The following TBC1D13 variants were observed in gnomAD, a reference collection of about 807,000 sequenced individuals.
TBC1D13 encodes the protein epididymis secretory sperm binding protein.
Under a neutral mutation model 53.6 loss-of-function variants are expected in TBC1D13, and 40 were observed. That is an observed-to-expected ratio of 0.75 (90% CI 0.58 to 0.97). The LOEUF (loss-of-function observed/expected upper bound fraction) is 0.97, where lower values mean the gene tolerates loss of function less well. TBC1D13 is among the 50% of genes least tolerant of loss of function. The pLI is 0.00. For synonymous variants in TBC1D13, 182 were observed against 197.7 expected, an observed-to-expected ratio of 0.92 and a Z score of 0.67; for missense variants, 377 against 499.4, an observed-to-expected ratio of 0.75 and a Z score of 2.34.
In TBC1D13 at chr9:128,787,331, TG is replaced by T. The variant is rs914437459; in HGVS notation, c.-17del. 50 of 1,257,748 alleles carry T rather than the reference TG, an allele frequency of 4.0e-5. No homozygotes were observed. The highest frequency in any genetic ancestry group is 4.3e-5 in the Non-Finnish European group (43 of 995,492). The allele number at this position is 1,257,748 out of a possible 1,614,324, so 77.9% of individuals were successfully genotyped here. A position where few individuals can be genotyped will look rare whatever the true frequency, so the allele number is the denominator to read the frequency against. On this transcript the variant is annotated 5_prime_UTR_variant, in exon 1 of 12. Transcript: ENST00000372648. ...CAGAGGCGCAGGCGGCGGAGGCGGC[TG>T]GGGGGTCCGGAAGTCAACACCATGT...
intron 9 of TBC1D13, among the ~76,000 whole-genome samples, chr9:128,804,403 A>G (rs1174257775): frequency 6.7e-6 from 1 of 150,206 alleles, no homozygotes; most frequent in African/African-American, 2.4e-5. Context: ...GTAAGTGTTA[A>G]CTTCATTTTT....
intron 3 of TBC1D13, 143 bp downstream of exon 3, chr9:128,790,918 T>A: frequency 1.2e-6 from 1 of 804,074 alleles, no homozygotes; most frequent in Non-Finnish European, 1.9e-6. Context: ...AGTCCTGGGT[T>A]TTCTGTTCCT....
At chr9:128,790,686 G>A (rs1299395247) in intron 2 of TBC1D13, 49 bp from the exon 3 acceptor site, 6 of 1,521,728 alleles carry the variant, frequency 3.9e-6, no homozygotes, top group Non-Finnish European at 5.3e-6. Context: ...AGGGCTGGGG[G>A]TTCTGGGACT....
In TBC1D13 at chr9:128,792,480, T is replaced by G. The variant is rs1829551738; in HGVS notation, c.301-12T>G. On this transcript the variant is annotated splice_polypyrimidine_tract_variant and intron_variant, in intron 5 of 11. Coordinates refer to ENST00000372648, the MANE Select transcript of TBC1D13 (RefSeq NM_018201.5). ...TGGGCCTTGGACAGAGCATCTTCATTTCTCCCCACAGCCACTCAACCCCAA... is the reference window on the plus strand; with the variant it reads ...TGGGCCTTGGACAGAGCATCTTCATGTCTCCCCACAGCCACTCAACCCCAA... 6.2e-7 allele frequency: 1 copy of G among 1,613,634 alleles called. No individual in the cohort carries two copies. The highest frequency in any genetic ancestry group is 8.5e-7 in the Non-Finnish European group (1 of 1,179,652).
chr9:128,805,331 T>TA (rs879387628), intron 9 of TBC1D13, among the ~76,000 whole-genome samples: 36 of 147,506 alleles, frequency 2.4e-4, no homozygotes, highest in South Asian at 4.3e-4. Context: ...ACCTCATCTC[T>TA]AAAAAAAAAA....
intron 2 of TBC1D13, among the ~76,000 whole-genome samples, chr9:128,788,925 C>A (rs1332073015): frequency 6.6e-6 from 1 of 152,156 alleles, no homozygotes; most frequent in Non-Finnish European, 1.5e-5. Context: ...TTAGACTTTG[C>A]CCCAATGAGC....
intron 7 of TBC1D13, among the ~76,000 whole-genome samples, chr9:128,802,670 A>C (rs1829757804): frequency 6.6e-6 from 1 of 151,724 alleles, no homozygotes; most frequent in African/African-American, 2.4e-5. Context: ...TATGCTAGAT[A>C]GGTCCAGGCT....
chr9:128,804,152 G>A, intron 9 of TBC1D13, 33 bp downstream of exon 9: 1 of 1,608,030 alleles, frequency 6.2e-7, no homozygotes, highest in East Asian at 2.2e-5. Context: ...GGTGGAAAGG[G>A]ACAGGAGGCA....
At chr9:128,801,266 C>A (rs1829728299) in intron 7 of TBC1D13, among the ~76,000 whole-genome samples, 1 of 152,180 alleles carries the variant, frequency 6.6e-6, no homozygotes, top group Admixed American at 6.6e-5. Flanking sequence ...AACCCATGAA[C>A]AATTGAGATG....
chr9:128,790,852 G>A (rs1247469670), intron 3 of TBC1D13, 77 bp downstream of exon 3: 11 of 1,450,232 alleles, frequency 7.6e-6, no homozygotes, highest in African/African-American at 1.5e-5. Flanking sequence ...CCTACCCCTG[G>A]CTTCTTCCTC....
In TBC1D13 at chr9:128,806,689, T is replaced by C. The variant is rs550227073; in HGVS notation, c.1137+378T>C. On this transcript the variant is annotated intron_variant, in intron 11 of 11. Transcript: ENST00000372648. ...CGGGCGCGGTGGCTCATGCCTATAA[T>C]CCCAGCACTTTGGGAGGCTGGGGTG... Among the ~76,000 whole-genome samples, 4 of 152,160 alleles carry C rather than the reference T, an allele frequency of 2.6e-5. No homozygotes were observed. In the South Asian group the frequency reaches 8.3e-4, roughly 32 times the overall value.
Position 128,808,899 on chromosome 9 carries a change from G to A in TBC1D13, c.*1020G>A, listed in dbSNP as rs1829895012. The A allele has an allele frequency of 6.6e-6, 1 of 152,414 alleles. No individual in the cohort carries two copies. The highest frequency in any genetic ancestry group is 1.5e-5 in the Non-Finnish European group (1 of 68,154). 9.4% of individuals were successfully genotyped at this position (152,414 alleles called of 1,614,324 possible). A position where few individuals can be genotyped will look rare whatever the true frequency, so the allele number is the denominator to read the frequency against. On this transcript the variant is annotated 3_prime_UTR_variant, in exon 12 of 12. Coordinates refer to ENST00000372648, the MANE Select transcript of TBC1D13 (RefSeq NM_018201.5). ...CCTGCCCCTGCTTTCTGCCCAGGGA[G>A]GGAGAAGGAAGAGGGGGAGCTGGTT...
intron 7 of TBC1D13, 152 bp from the exon 8 acceptor site, chr9:128,803,098 G>C (rs1256889202): frequency 1.5e-6 from 1 of 671,154 alleles, no homozygotes; most frequent in African/African-American, 1.8e-5. Context: ...CTATCACCCA[G>C]GCTGGAATGC....
intron 9 of TBC1D13, among the ~76,000 whole-genome samples, chr9:128,804,741 T>TTG (rs1564426910): frequency 7.1e-6 from 1 of 141,576 alleles, no homozygotes; most frequent in African/African-American, 2.6e-5. Flanking sequence ...TTTTTTTTTT[T>TTG]TTTTGAGAAG....
At chr9:128,805,615 A>G (rs1170341792) in intron 9 of TBC1D13, among the ~76,000 whole-genome samples, 1 of 152,360 alleles carries the variant, frequency 6.6e-6, no homozygotes, top group East Asian at 1.9e-4. Flanking sequence ...AGCTTATTAT[A>G]TAAAGGTTTG....
rs775514814 is a variant in TBC1D13 at position 128,805,936 on chromosome 9, T to C, written c.996T>C (p.Pro332=). 1 of 1,614,224 alleles carries C rather than the reference T, an allele frequency of 6.2e-7. No homozygotes were observed. Among genetic ancestry groups the C allele is most frequent in the East Asian group, 2.2e-5 (1 of 44,890 alleles). Reference sequence around the variant, plus strand: ...TGCTGTCCCAGGAGTTCTTGCTGCCTGACGTCATCCGCATCTGGGACTCCC... The same window carrying C: ...TGCTGTCCCAGGAGTTCTTGCTGCCCGACGTCATCCGCATCTGGGACTCCC... ...TLLLSQEFLL[P]DVIRIWDSLF... Residue 332 remains proline (P), a synonymous_variant, in exon 10 of 12, where the codon CCT becomes CCC. Transcript: ENST00000372648.
In TBC1D13 at chr9:128,788,339, C is replaced by T; in HGVS notation, c.29C>T (p.Ala10Val). Residue 10 changes from alanine to valine, a missense_variant, in exon 2 of 12, where the codon GCA becomes GTA. By Grantham distance (64) the Ala-to-Val change is moderately conservative. Transcript: ENST00000372648. Reference sequence around the variant, plus strand: ...CGCCCTATCTCCCCTTCCAGAATTGCAGATTTCCAGGATGTCCTGAAGGAG... The same window carrying T: ...CGCCCTATCTCCCCTTCCAGAATTGTAGATTTCCAGGATGTCCTGAAGGAG... MSSLHKSRI[A>V]DFQDVLKEPS... 2 of 1,614,032 alleles carry T rather than the reference C, an allele frequency of 1.2e-6. No individual in the cohort carries two copies. Among genetic ancestry groups the T allele is most frequent in the Non-Finnish European group, 1.7e-6 (2 of 1,179,934 alleles).
intron 7 of TBC1D13, among the ~76,000 whole-genome samples, chr9:128,798,239 C>T (rs560440298): frequency 6.6e-6 from 1 of 150,960 alleles, no homozygotes; most frequent in African/African-American, 2.4e-5. Flanking sequence ...GGTGACAAAA[C>T]GAGACCCTGT....
At position 128,801,767 on chromosome 9, in the gene TBC1D13, G is replaced by GTT. The variant is rs61640466; in HGVS notation, c.544-1472_544-1471dup. Among the ~76,000 whole-genome samples, 763 of 140,672 alleles carry GTT rather than the reference G, an allele frequency of 5.4e-3. 5 individuals carry two copies. Among genetic ancestry groups the GTT allele is most frequent in the African/African-American group, 0.017 (660 of 38,260 alleles). The allele number at this position is 140,672 out of a possible 152,430, so 92.3% of individuals were successfully genotyped here. On this transcript the variant is annotated intron_variant, in intron 7 of 11. Coordinates refer to ENST00000372648, the MANE Select transcript of TBC1D13 (RefSeq NM_018201.5). Reference sequence around the variant, plus strand: ...AAGATTTTTTTGTTTTTTGTTTTTTGTTTTTTTTTTTTGAGACGGAGTCTC... The same window carrying GTT: ...AAGATTTTTTTGTTTTTTGTTTTTTGTTTTTTTTTTTTTTGAGACGGAGTCTC...
Sources: gnomAD v4.1 joint callset for allele counts (sites outside exome capture counted in the v4.1 genomes callset) on GRCh38, gnomAD v4.1.1 for gene constraint, MANE v1.5 for transcripts, NCBI Gene and HGNC (gene_info 2026-07-23, HGNC 2026-07-21) for gene names.